Variants in GALK2 observed in about 807,000 individuals in gnomAD.
GALK2 encodes N-acetylgalactosamine kinase.
In GALK2, 36 loss-of-function variants were observed where a neutral mutation model predicts 52.4. That is an observed-to-expected ratio of 0.69 (90% CI 0.53 to 0.91). The LOEUF (loss-of-function observed/expected upper bound fraction) is 0.91. Among genes scored for constraint, GALK2 ranks in the 40% least tolerant of loss-of-function variants. GALK2 has a pLI of 0.00. For missense variants in GALK2, 579 were observed against 559.1 expected, an observed-to-expected ratio of 1.04 and a Z score of -0.36; for synonymous variants, 176 against 199.1, an observed-to-expected ratio of 0.88 and a Z score of 0.98.
intron 1 of GALK2, among the ~76,000 whole-genome samples, chr15:49,190,020 T>C (rs2086616494): frequency 1.3e-5 from 2 of 152,208 alleles, no homozygotes; most frequent in East Asian, 1.9e-4. Flanking sequence ...ATCTTTTTTA[T>C]TGTGGAATAC....
intron 2 of GALK2, among the ~76,000 whole-genome samples, chr15:49,211,739 G>A (rs938316079): frequency 3.3e-5 from 5 of 152,144 alleles, no homozygotes; most frequent in African/African-American, 9.7e-5. Context: ...ACGAGAGGGA[G>A]GGGAAGTGCT....
intron 5 of GALK2, among the ~76,000 whole-genome samples, chr15:49,257,213 G>C (rs553595225): frequency 6.6e-6 from 1 of 152,250 alleles, no homozygotes; most frequent in East Asian, 1.9e-4. Context: ...GGCTTTGTCT[G>C]TTATATACAG....
At chr15:49,173,478 G>A (rs1405060751) in intron 1 of GALK2, among the ~76,000 whole-genome samples, 1 of 152,018 alleles carries the variant, frequency 6.6e-6, no homozygotes, top group Non-Finnish European at 1.5e-5. Context: ...ATTCAGTAAA[G>A]CCTGAAAATC....
chr15:49,345,803 A>G (rs964438517), intron 3 of GALK2, among the ~76,000 whole-genome samples: 1 of 152,216 alleles, frequency 6.6e-6, no homozygotes, highest in Non-Finnish European at 1.5e-5. Context: ...ACAGAATATT[A>G]GAGAAACAAA....
chr15:49,333,235 G>A (rs2039117105), downstream of GALK2, among the ~76,000 whole-genome samples: 1 of 152,146 alleles, frequency 6.6e-6, no homozygotes, highest in South Asian at 2.1e-4. Flanking sequence ...CATTCATGAA[G>A]TTTTATAACA....
chr15:49,344,845 G>A (rs1016410848), intron 3 of GALK2, among the ~76,000 whole-genome samples: 18 of 152,098 alleles, frequency 1.2e-4, no homozygotes, highest in Admixed American at 6.6e-4. Flanking sequence ...TTTAATGCCC[G>A]TCTTACTCCC....
chr15:49,317,209 C>T (rs2036491941), intron 8 of GALK2, among the ~76,000 whole-genome samples: 1 of 152,048 alleles, frequency 6.6e-6, no homozygotes, highest in Non-Finnish European at 1.5e-5. Flanking sequence ...AATTTGTGTA[C>T]AGCTAGTTGT....
At chr15:49,237,361 T>C (rs2090867603) in intron 4 of GALK2, among the ~76,000 whole-genome samples, 1 of 152,258 alleles carries the variant, frequency 6.6e-6, no homozygotes, top group African/African-American at 2.4e-5. Context: ...GTTATCCTTT[T>C]GGCATAGAGC....
chr15:49,214,053 G>A (rs2089165410), intron 2 of GALK2, among the ~76,000 whole-genome samples: 2 of 152,056 alleles, frequency 1.3e-5, no homozygotes, highest in African/African-American at 4.8e-5. Flanking sequence ...CCGGGAGGTG[G>A]AGCGTGCAGT....
chr15:49,206,671 T>A (rs2088314562), intron 2 of GALK2, among the ~76,000 whole-genome samples: 1 of 152,194 alleles, frequency 6.6e-6, no homozygotes, highest in Non-Finnish European at 1.5e-5. Flanking sequence ...AGAGCTATAT[T>A]TGTGTACATT....
intron 7 of GALK2, among the ~76,000 whole-genome samples, chr15:49,288,449 C>G (rs2033608128): frequency 6.6e-6 from 1 of 152,146 alleles, no homozygotes; most frequent in African/African-American, 2.4e-5. Flanking sequence ...TTTTTCAGCT[C>G]CTTTCATTTA....
intron 5 of GALK2, among the ~76,000 whole-genome samples, chr15:49,260,231 CTCCAGCACCTGTTG>C: frequency 6.6e-6 from 1 of 151,774 alleles, no homozygotes; most frequent in East Asian, 1.9e-4. Context: ...TCCACATCCT[CTCCAGCACCTGTTG>C]TTTCCTGACT....
At chr15:49,195,206 G>A (rs1339587841) in intron 1 of GALK2, 1 of 408,860 alleles carries the variant, frequency 2.4e-6, no homozygotes, top group African/African-American at 2.1e-5. Flanking sequence ...GGAGTAGCTG[G>A]GATTACAGGT....
At chr15:49,184,016 C>G (rs1191132344) in intron 1 of GALK2, among the ~76,000 whole-genome samples, 3 of 152,032 alleles carry the variant, frequency 2.0e-5, no homozygotes, top group African/African-American at 7.3e-5. Context: ...TCTCATGTTT[C>G]TTTGTTGATT....
intron 8 of GALK2, among the ~76,000 whole-genome samples, chr15:49,292,813 A>AT (rs930496160): frequency 7.9e-5 from 12 of 151,268 alleles, no homozygotes; most frequent in South Asian, 4.2e-4. Flanking sequence ...TCCCTTATCC[A>AT]TTTTTTTCTG....
At chr15:49,213,922 C>G (rs2089152698) in intron 2 of GALK2, among the ~76,000 whole-genome samples, 1 of 152,032 alleles carries the variant, frequency 6.6e-6, no homozygotes, top group Non-Finnish European at 1.5e-5. Flanking sequence ...TCGAGACCAT[C>G]ATGGCTAACA....
chr15:49,265,117 G>A (rs1323113278), intron 5 of GALK2, among the ~76,000 whole-genome samples: 1 of 152,124 alleles, frequency 6.6e-6, no homozygotes, highest in East Asian at 1.9e-4. Context: ...TGTCAGACAG[G>A]GACATTTAAG....
At chr15:49,274,069 C>T (rs4775806) in intron 5 of GALK2, among the ~76,000 whole-genome samples, 38,078 of 152,040 alleles carry the variant, frequency 0.25, 5,942 homozygotes, top group Non-Finnish European at 0.35. Context: ...CATTTCCTGC[C>T]AGAGTCCTCT....
chr15:49,245,412 G>A (rs996634813), intron 5 of GALK2, among the ~76,000 whole-genome samples: 5 of 151,878 alleles, frequency 3.3e-5, no homozygotes, highest in Non-Finnish European at 7.4e-5. Context: ...ATATCACTTT[G>A]GCGAAAGTAA....
Sources: allele counts gnomAD v4.1 joint callset (sites outside exome capture counted in the v4.1 genomes callset), GRCh38; gene constraint gnomAD v4.1.1; transcripts MANE v1.5; gene names NCBI Gene and HGNC (gene_info 2026-07-23, HGNC 2026-07-21).